The following USP34 variants were observed in gnomAD, a reference collection of about 807,000 sequenced individuals.
USP34 encodes the protein ubiquitin carboxyl-terminal hydrolase 34.
In USP34, 70 loss-of-function variants were observed where a neutral mutation model predicts 460.3. That is an observed-to-expected ratio of 0.15 (90% CI 0.13 to 0.19). The LOEUF is 0.19. Among genes scored for constraint, USP34 ranks in the 10% least tolerant of loss-of-function variants. The pLI is 1.00. For missense variants in USP34, 3,985 were observed against 4,236.2 expected, an observed-to-expected ratio of 0.94 and a Z score of 1.65; for synonymous variants, 1,647 against 1,405.3, an observed-to-expected ratio of 1.17 and a Z score of -3.85.
chr2:61,306,930 A>G (rs1690426622), intron 27 of USP34, among the ~76,000 whole-genome samples: 1 of 152,204 alleles, frequency 6.6e-6, no homozygotes. Context: ...ATCTAGAACT[A>G]GAAATACCAT....
Position 61,229,638 on chromosome 2 carries a change from GAAGA to G in USP34, c.7114-9_7114-6del, listed in dbSNP as rs774676958. 1.2e-6 allele frequency: 2 copies of G among 1,609,772 alleles called. No homozygotes were observed. Among genetic ancestry groups the G allele is most frequent in the Non-Finnish European group, 1.7e-6 (2 of 1,178,548 alleles). On this transcript the variant is annotated splice_region_variant and splice_polypyrimidine_tract_variant and intron_variant, in intron 58 of 79. Coordinates refer to ENST00000398571, the MANE Select transcript of USP34 (RefSeq NM_014709.4). ...GATACACAAACGCTGAAACATCTGT[GAAGA>G]AAGAAAAAGATCAAACAAGAGCCAA... is the stretch of plus-strand genomic sequence containing the variant.
At chr2:61,299,927 CACCCAGTTGCACAGGCCAGAA>C (rs1375667097) in intron 29 of USP34, among the ~76,000 whole-genome samples, 3 of 152,062 alleles carry the variant, frequency 2.0e-5, no homozygotes, top group Non-Finnish European at 4.4e-5. Flanking sequence ...AAATGGAATC[CACCCAGTTGCACAGGCCAGAA>C]ACCCAGTGCC....
At chr2:61,254,966 C>G (rs2103891336) in intron 48 of USP34, among the ~76,000 whole-genome samples, 1 of 152,252 alleles carries the variant, frequency 6.6e-6, no homozygotes. Context: ...CCGATTCAGC[C>G]TCCCGAACAG....
intron 79 of USP34, 23 bp from the exon 80 acceptor site, chr2:61,188,732 G>T (rs748267814): frequency 1.2e-6 from 2 of 1,602,344 alleles, no homozygotes; most frequent in Admixed American, 1.7e-5. Flanking sequence ...ATGCCAAAAG[G>T]GAAACTTCTC....
chr2:61,336,913 T>A (rs1353783201), intron 18 of USP34, among the ~76,000 whole-genome samples: 1 of 152,192 alleles, frequency 6.6e-6, no homozygotes, highest in Non-Finnish European at 1.5e-5. Context: ...CAATCTTTTC[T>A]TTTTAACGGT....
At chr2:61,454,020 A>T (rs960974982) in intron 1 of USP34, among the ~76,000 whole-genome samples, 1 of 152,186 alleles carries the variant, frequency 6.6e-6, no homozygotes, top group Non-Finnish European at 1.5e-5. Context: ...CAGTTTATAC[A>T]TATTCACAGA....
At chr2:61,294,375 G>C (rs1351912406) in intron 32 of USP34, among the ~76,000 whole-genome samples, 6 of 145,368 alleles carry the variant, frequency 4.1e-5, no homozygotes, top group African/African-American at 1.5e-4. Context: ...ACACACACAC[G>C]AAAAAGCCTA....
chr2:61,237,430 T>TA (rs934169140), intron 53 of USP34, among the ~76,000 whole-genome samples: 10 of 152,254 alleles, frequency 6.6e-5, no homozygotes, highest in African/African-American at 2.4e-4. Flanking sequence ...TAAAGGCTGG[T>TA]AATACTGTGG....
chr2:61,232,515 C>T lies in USP34; in HGVS notation c.7050G>A (p.Met2350Ile). The T allele has an allele frequency of 1.2e-6, 2 of 1,607,782 alleles. No homozygotes were observed. Among genetic ancestry groups the T allele is most frequent in the Non-Finnish European group, 1.7e-6 (2 of 1,178,550 alleles). The stretch of plus-strand genomic sequence containing the variant: ...GCATTGGCCACCAGTCGTCATCAGC[C>T]ATACGATCTAAAAACCACTGTTAAA... The part of the protein sequence containing the change: ...QAACEWFLDR[M>I]ADDDWWPMQI... The change falls in exon 58 of 80, where the codon ATG becomes ATA. Residue 2350 changes from methionine to isoleucine, a missense_variant. Physicochemically the swap from Met to Ile is conservative, Grantham distance 10. Coordinates refer to ENST00000398571, the MANE Select transcript of USP34 (RefSeq NM_014709.4).
At chr2:61,273,343 T>TA (rs1689273529) in intron 41 of USP34, among the ~76,000 whole-genome samples, 1 of 152,212 alleles carries the variant, frequency 6.6e-6, no homozygotes, top group African/African-American at 2.4e-5. Context: ...TTTATTTTTT[T>TA]AAAGAACTAG....
intron 8 of USP34, among the ~76,000 whole-genome samples, chr2:61,373,213 A>C (rs540432444): frequency 1.3e-5 from 2 of 151,984 alleles, no homozygotes; most frequent in South Asian, 2.1e-4. Flanking sequence ...ACTAGAATCT[A>C]TATATATATA....
chr2:61,365,853 T>C (rs1225436986), intron 10 of USP34, among the ~76,000 whole-genome samples: 2 of 152,160 alleles, frequency 1.3e-5, no homozygotes, highest in Non-Finnish European at 2.9e-5. Context: ...CTGTACTTTA[T>C]AATAAAAAGA....
chr2:61,345,460 T>C (rs186296801), intron 15 of USP34, among the ~76,000 whole-genome samples: 11 of 152,252 alleles, frequency 7.2e-5, no homozygotes, highest in Non-Finnish European at 1.3e-4. Context: ...TTGTCGAGTA[T>C]AGCAAAACTC....
intron 78 of USP34, 190 bp from the exon 79 acceptor site, chr2:61,189,259 G>GT (rs11309952): frequency 0.038 from 16,031 of 424,332 alleles, 44 homozygotes; most frequent in Non-Finnish European, 0.047. Context: ...TTCATTAGTT[G>GT]TTTTTTTTTT....
chr2:61,192,884 A>G lies in USP34; in HGVS notation c.9588+17T>C. 1 of 1,608,376 alleles carries G rather than the reference A, an allele frequency of 6.2e-7. No homozygotes were observed. The highest frequency in any genetic ancestry group is 8.5e-7 in the Non-Finnish European group (1 of 1,175,986). On this transcript the variant is annotated intron_variant, in intron 76 of 79. Coordinates refer to ENST00000398571, the MANE Select transcript of USP34 (RefSeq NM_014709.4). Reference sequence around the variant, plus strand: ...GATAAGATTAAAGACCAATCATCTAAAACTCATTTTCTTTACCTGAGTCTG... The same window carrying G: ...GATAAGATTAAAGACCAATCATCTAGAACTCATTTTCTTTACCTGAGTCTG...
At chr2:61,256,541 G>A in intron 47 of USP34, 63 bp from the exon 48 acceptor site, 2 of 1,278,414 alleles carry the variant, frequency 1.6e-6, no homozygotes, top group South Asian at 3.2e-5. Context: ...ATATACAAAA[G>A]GTGGCAATTA....
intron 23 of USP34, among the ~76,000 whole-genome samples, chr2:61,316,922 C>G (rs1312313698): frequency 1.3e-5 from 2 of 151,946 alleles, no homozygotes; most frequent in East Asian, 1.9e-4. Flanking sequence ...AAAAATAATT[C>G]TTTTTCCTTT....
In USP34 at chr2:61,465,163, TATG is replaced by T. The variant is rs561927355; in HGVS notation, c.43+5484_43+5486del. Among the ~76,000 whole-genome samples, 44 of 152,242 alleles carry T rather than the reference TATG, an allele frequency of 2.9e-4. 1 individual carries two copies. In the South Asian group the frequency reaches 9.1e-3, roughly 32 times the overall value. On this transcript the variant is annotated intron_variant, in intron 1 of 79. Coordinates refer to ENST00000398571, the MANE Select transcript of USP34 (RefSeq NM_014709.4). Reference sequence around the variant, plus strand: ...GATTTTGAAATGTAGTTTCAACTTTTATGATATGTGTCAAGATTATATTTAAAA... The same window carrying T: ...GATTTTGAAATGTAGTTTCAACTTTTATATGTGTCAAGATTATATTTAAAA...
intron 16 of USP34, among the ~76,000 whole-genome samples, chr2:61,341,589 C>T (rs1234495203): frequency 6.6e-6 from 1 of 151,896 alleles, no homozygotes; most frequent in African/African-American, 2.4e-5. Flanking sequence ...CCCGTTTCCA[C>T]TTCTGCCATG....
Sources: gnomAD v4.1 joint callset for allele counts (sites outside exome capture counted in the v4.1 genomes callset) on GRCh38, gnomAD v4.1.1 for gene constraint, MANE v1.5 for transcripts, NCBI Gene and HGNC (gene_info 2026-07-23, HGNC 2026-07-21) for gene names.